The following NEBL variants were observed in gnomAD, a reference collection of about 807,000 sequenced individuals.
NEBL encodes LIM and SH3 protein 2.
Under a neutral mutation model 140.2 loss-of-function variants are expected in NEBL, and 122 were observed. The ratio of observed to expected loss-of-function variants is 0.87; its 90% CI spans 0.75 to 1.01. The LOEUF (loss-of-function observed/expected upper bound fraction) is 1.01, where lower values mean the gene tolerates loss of function less well. Among genes scored for constraint, NEBL ranks in the 50% least tolerant of loss-of-function variants. The pLI, the probability that NEBL is intolerant of heterozygous loss-of-function variation, is 0.00. For missense variants in NEBL, 1,365 were observed against 1,231.3 expected, an observed-to-expected ratio of 1.11 and a Z score of -1.62; for synonymous variants, 436 against 398.9, an observed-to-expected ratio of 1.09 and a Z score of -1.11.
intron 3 of NEBL, among the ~76,000 whole-genome samples, chr10:21,231,031 C>T (rs1842242503): frequency 6.6e-6 from 1 of 152,158 alleles, no homozygotes; most frequent in African/African-American, 2.4e-5. Context: ...AAGCACGATC[C>T]ATGGACCAAA....
intron 1 of NEBL, among the ~76,000 whole-genome samples, chr10:21,273,573 T>G (rs1842883961): frequency 6.6e-6 from 1 of 151,062 alleles, no homozygotes; most frequent in Admixed American, 6.6e-5. Context: ...AGTCCCTCCC[T>G]ATCTACACCC....
intron 26 of NEBL, among the ~76,000 whole-genome samples, chr10:20,805,244 T>C (rs1195227325): frequency 2.0e-5 from 3 of 152,184 alleles, no homozygotes; most frequent in Non-Finnish European, 4.4e-5. Context: ...AGAGGTGGTA[T>C]TGAACTTATA....
chr10:20,792,060 G>T (rs1026325398), intron 26 of NEBL, among the ~76,000 whole-genome samples: 3 of 150,202 alleles, frequency 2.0e-5, no homozygotes, highest in Non-Finnish European at 2.9e-5. Context: ...TCAAAGAAAA[G>T]GTGAAGGTTT....
At chr10:20,992,115 T>C (rs1363857123) in intron 3 of NEBL, among the ~76,000 whole-genome samples, 2 of 152,250 alleles carry the variant, frequency 1.3e-5, no homozygotes, top group African/African-American at 4.8e-5. Flanking sequence ...CTAATCCTTA[T>C]GTTTTTAAAA....
intron 2 of NEBL, among the ~76,000 whole-genome samples, chr10:21,055,675 A>T (rs1834987909): frequency 6.6e-6 from 1 of 152,238 alleles, no homozygotes; most frequent in Admixed American, 6.5e-5. Flanking sequence ...TAATATCTGT[A>T]AAGTGTTGAA....
At chr10:21,210,020 A>C (rs942094161) in intron 3 of NEBL, among the ~76,000 whole-genome samples, 12 of 152,184 alleles carry the variant, frequency 7.9e-5, no homozygotes, top group Non-Finnish European at 1.6e-4. Context: ...CCAATTGCTC[A>C]ATACCTCCAG....
At chr10:21,046,105 G>C (rs945459813) in intron 2 of NEBL, among the ~76,000 whole-genome samples, 1 of 152,140 alleles carries the variant, frequency 6.6e-6, no homozygotes, top group Non-Finnish European at 1.5e-5. Context: ...AACCTGGAGG[G>C]CATTAAGTGA....
intron 2 of NEBL, among the ~76,000 whole-genome samples, chr10:21,050,081 T>A (rs186752698): frequency 6.6e-6 from 1 of 152,302 alleles, no homozygotes; most frequent in African/African-American, 2.4e-5. Context: ...CCTTTTCATC[T>A]CTAAGTTCTA....
intron 11 of NEBL, among the ~76,000 whole-genome samples, chr10:20,847,822 G>A (rs546007133): frequency 2.0e-5 from 3 of 152,220 alleles, no homozygotes; most frequent in African/African-American, 4.8e-5. Context: ...TAATCCTAAC[G>A]TAACATTATA....
chr10:21,150,226 T>C (rs1840084188), intron 2 of NEBL, among the ~76,000 whole-genome samples: 1 of 152,228 alleles, frequency 6.6e-6, no homozygotes, highest in Admixed American at 6.5e-5. Flanking sequence ...CATAGCCTCA[T>C]TTATGTGCGG....
At chr10:20,831,062 T>C (rs1840364540) in intron 16 of NEBL, 134 bp downstream of exon 16, 3 of 730,212 alleles carry the variant, frequency 4.1e-6, no homozygotes, top group Admixed American at 4.0e-5. Flanking sequence ...GTTTGGCCAA[T>C]GGTTTCTTAG....
intron 3 of NEBL, among the ~76,000 whole-genome samples, chr10:20,984,276 A>G (rs895919970): frequency 2.6e-5 from 4 of 152,228 alleles, no homozygotes; most frequent in Admixed American, 6.5e-5. Context: ...TGTTATCTCA[A>G]CTTAATAACA....
In NEBL at chr10:20,784,725, T is replaced by A. The variant is rs920695026; in HGVS notation, c.*1022A>T. The A allele has an allele frequency of 6.6e-6, 1 of 152,234 alleles. No individual in the cohort carries two copies. Among genetic ancestry groups the A allele is most frequent in the Non-Finnish European group, 1.5e-5 (1 of 68,034 alleles). The allele number at this position is 152,234 out of a possible 1,614,324, so 9.4% of individuals were successfully genotyped here. A position where few individuals can be genotyped will look rare whatever the true frequency, so the allele number is the denominator to read the frequency against. On this transcript the variant is annotated 3_prime_UTR_variant, in exon 28 of 28. Coordinates refer to ENST00000377122, the MANE Select transcript of NEBL (RefSeq NM_006393.3). Reference sequence around the variant, plus strand: ...GAAATCAATGGTGGCATTAAGTTAATCAAAGCTGTTCAATGGAACACCTAA... The same window carrying A: ...GAAATCAATGGTGGCATTAAGTTAAACAAAGCTGTTCAATGGAACACCTAA...
intron 2 of NEBL, among the ~76,000 whole-genome samples, chr10:21,034,554 C>G (rs1025103542): frequency 1.2e-4 from 18 of 152,192 alleles, no homozygotes; most frequent in African/African-American, 4.3e-4. Context: ...ATTTGCAGAT[C>G]AGTTATTTCC....
Position 20,779,982 on chromosome 10 carries a change from A to C in NEBL, c.*5765T>G. 1 of 152,224 alleles carries C rather than the reference A, an allele frequency of 6.6e-6. No homozygotes were observed. The highest frequency in any genetic ancestry group is 6.5e-5 in the Admixed American group (1 of 15,282). 9.4% of individuals were successfully genotyped at this position (152,224 alleles called of 1,614,324 possible). On this transcript the variant is annotated 3_prime_UTR_variant, in exon 28 of 28. Coordinates refer to ENST00000377122, the MANE Select transcript of NEBL (RefSeq NM_006393.3). ...AACAGAAAATCCAATATTTGGAAGA[A>C]GTGTTTATTCTACGAGCAGATGTCA...
chr10:21,245,272 C>G (rs1842501293), intron 3 of NEBL, among the ~76,000 whole-genome samples: 1 of 152,196 alleles, frequency 6.6e-6, no homozygotes, highest in Admixed American at 6.5e-5. Context: ...TCTTAAACAC[C>G]TGTAGAAACA....
At position 21,173,056 on chromosome 10, in the gene NEBL, T is replaced by C. The variant is rs947276766; in HGVS notation, c.70-579A>G. Among the ~76,000 whole-genome samples, 4 of 152,266 alleles carry C rather than the reference T, an allele frequency of 2.6e-5. No individual in the cohort carries two copies. Among genetic ancestry groups the C allele is most frequent in the Admixed American group, 1.3e-4 (2 of 15,308 alleles). On this transcript the variant is annotated intron_variant, in intron 1 of 6. Transcript: ENST00000417816. The surrounding 1 kb of genome is among the most constrained non-coding windows in gnomAD (Gnocchi z 5.7). The stretch of plus-strand genomic sequence containing the variant: ...GACGCAAATTTCCCCAGAACGCCCC[T>C]GGCTGGTTTCAACTGTCAGTCACTC...
intron 3 of NEBL, among the ~76,000 whole-genome samples, chr10:20,990,551 T>C (rs945003195): frequency 5.9e-5 from 9 of 152,178 alleles, no homozygotes; most frequent in Non-Finnish European, 1.0e-4. Flanking sequence ...CTTGGACTTC[T>C]CAGCCTCCAA....
At chr10:21,199,162 C>T (rs557069449) in intron 3 of NEBL, among the ~76,000 whole-genome samples, 45 of 151,360 alleles carry the variant, frequency 3.0e-4, no homozygotes, top group African/African-American at 4.1e-4. Context: ...GTTGCTGGGA[C>T]GACGGGTGTG....
Sources: allele counts gnomAD v4.1 joint callset (sites outside exome capture counted in the v4.1 genomes callset), GRCh38; gene constraint gnomAD v4.1.1; non-coding constraint Gnocchi (gnomAD v3.1); transcripts MANE v1.5; gene names NCBI Gene and HGNC (gene_info 2026-07-23, HGNC 2026-07-21).